Variants in OTOP2 observed in about 807,000 individuals in gnomAD.
The protein encoded by OTOP2 is proton channel OTOP2.
Under a neutral mutation model 47.4 loss-of-function variants are expected in OTOP2, and 41 were observed. The ratio of observed to expected loss-of-function variants is 0.87; its 90% CI spans 0.67 to 1.12. OTOP2 has a LOEUF of 1.12. Ranked by LOEUF, OTOP2 falls within the 50% of genes most tolerant of loss-of-function variation. OTOP2 has a pLI of 0.00. For missense variants in OTOP2, 721 were observed against 752.2 expected (o/e 0.96, Z 0.49); for synonymous variants, 328 against 319.6 (o/e 1.03, Z -0.28).
chr17:74,931,728 G>A (rs1282548962), intron 6 of OTOP2, among the ~76,000 whole-genome samples: 1 of 152,130 alleles, frequency 6.6e-6, no homozygotes, highest in Non-Finnish European at 1.5e-5. Flanking sequence ...GCCGAGGCAG[G>A]CAGATCACAA....
intron 3 of OTOP2, among the ~76,000 whole-genome samples, chr17:74,926,250 A>T (rs996107770): frequency 6.6e-6 from 1 of 152,204 alleles, no homozygotes; most frequent in African/African-American, 2.4e-5. Context: ...ACCATGGATG[A>T]TGCCCTCCCC....
rs373071785 is a variant in OTOP2, at chr17:74,930,947, C to T, written c.1312C>T (p.His438Tyr). The change falls in exon 6 of 7, where the codon CAC becomes TAC. Residue 438 changes from histidine (H) to tyrosine (Y), a missense_variant. By Grantham distance (83) the His-to-Tyr change is moderately conservative (BLOSUM62 2). Transcript: ENST00000331427. This position sits in a 1 kb window ranked among gnomAD's most constrained non-coding sequence, Gnocchi z 4.0. ...GPPGAEPHSTHPKEPCQDLTF... is the reference protein window; with the variant it reads ...GPPGAEPHSTYPKEPCQDLTF... ...GCCCGGGGCTGAGCCTCACAGTACC[C>T]ACCCCAAGGAGCCCTGCCAAGACCT... The T allele has an allele frequency of 1.2e-5, 20 of 1,613,952 alleles. No individual in the cohort carries two copies. Among genetic ancestry groups the T allele is most frequent in the Middle Eastern group, 3.3e-4 (2 of 6,084 alleles).
At chr17:74,931,518 T>G (rs2039058689) in intron 6 of OTOP2, among the ~76,000 whole-genome samples, 1 of 152,212 alleles carries the variant, frequency 6.6e-6, no homozygotes, top group African/African-American at 2.4e-5. Context: ...ACTTGTGATC[T>G]GCCTGCTTCT....
intron 4 of OTOP2, 85 bp downstream of exon 4, chr17:74,927,366 G>C (rs899009446): frequency 5.8e-5 from 85 of 1,469,030 alleles, no homozygotes; most frequent in Non-Finnish European, 7.5e-5. Context: ...CTGGGGCAGG[G>C]CCTCTCTTTA....
rs555455500 is a variant in OTOP2, at chr17:74,924,687, G to A, written c.55G>A (p.Gly19Ser). 3.3e-4 allele frequency: 529 copies of A among 1,599,978 alleles called. 16 individuals are homozygous for A. The South Asian group carries it at 5.7e-3, about 17-fold the overall frequency. The change falls in exon 2 of 7, where the codon GGC becomes AGC. Residue 19 changes from glycine (G) to serine (S), a missense_variant. Gly to Ser is a moderately conservative substitution (Grantham distance 56). Transcript: ENST00000331427. The surrounding 1 kb of genome is among the most constrained non-coding windows in gnomAD (Gnocchi z 7.7). ...PKESPPAPRAGPREVWKKGGR... is the reference protein window; with the variant it reads ...PKESPPAPRASPREVWKKGGR... ...GGAGAGCCCCCCGGCGCCGCGTGCG[G>A]GCCCCAGGGAGGTGTGGAAGAAGGG...
In OTOP2 at chr17:74,933,702, A is replaced by G; in HGVS notation, c.*157A>G. On this transcript the variant is annotated 3_prime_UTR_variant, in exon 7 of 7. Transcript: ENST00000331427. This position sits in a 1 kb window ranked among gnomAD's most constrained non-coding sequence, Gnocchi z 4.7. ...TCACAAAAGTTATTTTTCCAGGTTC[A>G]ATTTTTAAATCACAGTCAGGACAGG... 1 of 924,566 alleles carries G rather than the reference A, an allele frequency of 1.1e-6. No homozygotes were observed. The highest frequency in any genetic ancestry group is 1.5e-6 in the Non-Finnish European group (1 of 646,126). 57.3% of individuals were successfully genotyped at this position (924,566 alleles called of 1,614,324 possible).
chr17:74,930,499 C>G lies in OTOP2; in HGVS notation c.864C>G (p.Thr288=). 1 of 1,612,956 alleles carries G rather than the reference C, an allele frequency of 6.2e-7. No homozygotes were observed. Among genetic ancestry groups the G allele is most frequent in the Non-Finnish European group, 8.5e-7 (1 of 1,179,002 alleles). Residue 288 remains threonine, a synonymous_variant, in exon 6 of 7, where the codon ACC becomes ACG. Transcript: ENST00000331427. The surrounding 1 kb of genome is among the most constrained non-coding windows in gnomAD (Gnocchi z 4.0). The part of the protein sequence containing the change: ...TPTPVSLFRE[T]FFAGPVLGLL... ...CCCCTGTCAGCCTCTTCCGGGAGAC[C>G]TTTTTTGCTGGCCCGGTTCTGGGCC...
intron 6 of OTOP2, among the ~76,000 whole-genome samples, chr17:74,931,953 C>CAAAAAAAAAAAAAAAAAAAAAAAAA (rs5822060): frequency 1.2e-5 from 1 of 84,070 alleles, no homozygotes; most frequent in African/African-American, 5.0e-5. Context: ...GACACTCTGT[C>CAAAAAAAAAAAAAAAAAAAAAAAAA]AAAAAAAAAA....
chr17:74,933,591 A>T lies in OTOP2; in HGVS notation c.*46A>T. ...GGGGCAGGAAGAGGGGGCTCAGCTC[A>T]TGTGCCCACTCAGACACCCTCTGGG... On this transcript the variant is annotated 3_prime_UTR_variant, in exon 7 of 7. Coordinates refer to ENST00000331427, the MANE Select transcript of OTOP2 (RefSeq NM_178160.3). The surrounding 1 kb of genome is among the most constrained non-coding windows in gnomAD (Gnocchi z 4.7). 6.5e-7 allele frequency: 1 copy of T among 1,529,368 alleles called. No individual in the cohort carries two copies. Among genetic ancestry groups the T allele is most frequent in the Non-Finnish European group, 8.9e-7 (1 of 1,123,792 alleles). 94.7% of individuals were successfully genotyped at this position (1,529,368 alleles called of 1,614,324 possible).
rs1341162716 is a variant in OTOP2, at chr17:74,924,592, C to T, written c.-33-8C>T. 2.0e-6 allele frequency: 3 copies of T among 1,488,874 alleles called. No homozygotes were observed. Among genetic ancestry groups the T allele is most frequent in the African/African-American group, 1.4e-5 (1 of 72,420 alleles). The allele number at this position is 1,488,874 out of a possible 1,614,324, so 92.2% of individuals were successfully genotyped here. A position where few individuals can be genotyped will look rare whatever the true frequency, so the allele number is the denominator to read the frequency against. ...TGACCTGGAGTTTTGTCCGCTCCTCCCCTACAGTGATCCCTCTAGCCTTCT... is the reference window on the plus strand; with the variant it reads ...TGACCTGGAGTTTTGTCCGCTCCTCTCCTACAGTGATCCCTCTAGCCTTCT... On this transcript the variant is annotated splice_region_variant and splice_polypyrimidine_tract_variant and intron_variant, in intron 1 of 6. Coordinates refer to ENST00000331427, the MANE Select transcript of OTOP2 (RefSeq NM_178160.3). This position sits in a 1 kb window ranked among gnomAD's most constrained non-coding sequence, Gnocchi z 7.7.
Position 74,931,127 on chromosome 17 carries a change from C to G in OTOP2, c.1492C>G (p.Leu498Val). 6.2e-7 allele frequency: 1 copy of G among 1,606,050 alleles called. No homozygotes were observed. The highest frequency in any genetic ancestry group is 1.3e-5 in the African/African-American group (1 of 74,870). Reference protein sequence around the residue: ...WRRQCLKDISLFLLLCNVILW... With the variant: ...WRRQCLKDISVFLLLCNVILW... ...ACGCCAGTGCCTAAAAGACATTTCT[C>G]TGTTTCTCCTACTCTGCAATGTCAT... is the stretch of plus-strand genomic sequence containing the variant. The change falls in exon 6 of 7, where the codon CTG becomes GTG. Residue 498 changes from leucine (L) to valine (V), a missense_variant. Transcript: ENST00000331427.
chr17:74,931,003 G>T lies in OTOP2; in HGVS notation c.1368G>T (p.Thr456=). ...LTFTNLDALH[T]LSACPPNPGL... is the part of the protein sequence containing the mutation. The stretch of plus-strand genomic sequence containing the variant: ...TCACCAACCTGGATGCCCTCCACAC[G>T]TTGTCCGCCTGCCCACCCAACCCCG... Residue 456 remains threonine, a synonymous_variant, in exon 6 of 7, where the codon ACG becomes ACT. Transcript: ENST00000331427. 1.2e-6 allele frequency: 2 copies of T among 1,614,084 alleles called. No individual in the cohort carries two copies.
At chr17:74,931,219 C>T in intron 6 of OTOP2, 66 bp downstream of exon 6, 1 of 1,519,866 alleles carries the variant, frequency 6.6e-7, no homozygotes, top group Non-Finnish European at 8.8e-7. Flanking sequence ...CTCTTGCAGG[C>T]TTAAGCCCTT....
Position 74,924,611 on chromosome 17 carries a change from G to C in OTOP2, c.-22G>C, listed in dbSNP as rs747667091. 5.9e-6 allele frequency: 9 copies of C among 1,537,938 alleles called. No individual in the cohort carries two copies. ...CTCCTCCCCTACAGTGATCCCTCTAGCCTTCTCCAGTCGCCTCCGCCATGT... is the reference window on the plus strand; with the variant it reads ...CTCCTCCCCTACAGTGATCCCTCTACCCTTCTCCAGTCGCCTCCGCCATGT... On this transcript the variant is annotated 5_prime_UTR_variant, in exon 2 of 7. Coordinates refer to ENST00000331427, the MANE Select transcript of OTOP2 (RefSeq NM_178160.3). The surrounding 1 kb of genome is among the most constrained non-coding windows in gnomAD (Gnocchi z 7.7).
chr17:74,927,073 C>A (rs116429477), intron 3 of OTOP2, 150 bp from the exon 4 acceptor site: 2 of 781,374 alleles, frequency 2.6e-6, no homozygotes, highest in Admixed American at 3.6e-5. Context: ...CTGCACCCAG[C>A]CTCCACCTCA....
intron 4 of OTOP2, 67 bp downstream of exon 4, chr17:74,927,348 T>A: frequency 6.5e-7 from 1 of 1,528,842 alleles, no homozygotes; most frequent in South Asian, 1.1e-5. Context: ...AGATTCAGGC[T>A]TTCCACCCTG....
Position 74,924,291 on chromosome 17 carries a change from G to C in OTOP2, c.-76G>C, listed in dbSNP as rs916102090. 6 of 319,606 alleles carry C rather than the reference G, an allele frequency of 1.9e-5. No homozygotes were observed. Among genetic ancestry groups the C allele is most frequent in the African/African-American group, 1.1e-4 (5 of 46,722 alleles). 19.8% of individuals were successfully genotyped at this position (319,606 alleles called of 1,614,324 possible). ...GCGTGGGAGAGAGGAGACGCTCGCC[G>C]TCCCCTGACCCCCAGCTCAGCGCCG... On this transcript the variant is annotated 5_prime_UTR_variant, in exon 1 of 7. Transcript: ENST00000331427. The surrounding 1 kb of genome is among the most constrained non-coding windows in gnomAD (Gnocchi z 7.7).
At chr17:74,925,815 A>C in intron 3 of OTOP2, 123 bp downstream of exon 3, 1 of 1,408,292 alleles carries the variant, frequency 7.1e-7, no homozygotes, top group Non-Finnish European at 9.7e-7. Flanking sequence ...TAAGTAAACC[A>C]GGGACAGGGC....
intron 5 of OTOP2, among the ~76,000 whole-genome samples, chr17:74,928,524 C>T (rs767462941): frequency 6.6e-6 from 1 of 152,016 alleles, no homozygotes; most frequent in Non-Finnish European, 1.5e-5. Context: ...GTAAGGGTGG[C>T]AATTTACTGA....
Sources: gnomAD v4.1 joint callset for allele counts (sites outside exome capture counted in the v4.1 genomes callset) on GRCh38, gnomAD v4.1.1 for gene constraint, Gnocchi (gnomAD v3.1) non-coding constraint, MANE v1.5 for transcripts, NCBI Gene and HGNC (gene_info 2026-07-23, HGNC 2026-07-21) for gene names.